TAFA2: variants seen among roughly 807,000 people sequenced by gnomAD.
The protein encoded by TAFA2 is TAFA chemokine like family member 2, also known as chemokine-like protein TAFA-2.
Under a neutral mutation model 18.8 loss-of-function variants are expected in TAFA2, and 7 were observed. The ratio of observed to expected loss-of-function variants is 0.37; its 90% CI spans 0.21 to 0.70. The LOEUF is 0.70. TAFA2 is among the 30% of genes least tolerant of loss of function. The probability of loss-of-function intolerance (pLI) is 0.53; values close to 1 mark genes in which losing one functional copy is unlikely to be tolerated. For missense variants in TAFA2, 122 were observed against 158.1 expected (o/e 0.77, Z 1.23); for synonymous variants, 60 against 54.2 (o/e 1.11, Z -0.47).
chr12:61,781,905 AT>A (rs1423774486), intron 2 of TAFA2, among the ~76,000 whole-genome samples: 1 of 151,728 alleles, frequency 6.6e-6, no homozygotes, highest in Non-Finnish European at 1.5e-5. Context: ...AAAAGTAAAA[AT>A]TGAAATGTAT....
chr12:61,733,666 G>C (rs909280194), intron 4 of TAFA2, among the ~76,000 whole-genome samples: 8 of 149,684 alleles, frequency 5.3e-5, no homozygotes, highest in Admixed American at 1.3e-4. Context: ...TGCTGTTTTG[G>C]TTACTGTAGC....
chr12:61,908,706 G>A (rs531531226), intron 1 of TAFA2, among the ~76,000 whole-genome samples: 81 of 152,120 alleles, frequency 5.3e-4, no homozygotes, highest in Non-Finnish European at 1.0e-3. Context: ...CCAAATTATG[G>A]TCCACTAAAT....
intron 1 of TAFA2, among the ~76,000 whole-genome samples, chr12:61,993,329 T>C (rs961397822): frequency 2.6e-5 from 4 of 152,210 alleles, no homozygotes; most frequent in African/African-American, 9.7e-5. Flanking sequence ...TCTTAAAGTT[T>C]ATAAAGAATG....
chr12:61,970,973 T>C (rs889252458), intron 1 of TAFA2, among the ~76,000 whole-genome samples: 2 of 151,706 alleles, frequency 1.3e-5, no homozygotes, highest in Non-Finnish European at 3.0e-5. Context: ...GCATAACGTC[T>C]TATGATTCAT....
chr12:62,171,582 C>T (rs549235963), intron 1 of TAFA2, among the ~76,000 whole-genome samples: 15 of 152,206 alleles, frequency 9.9e-5, no homozygotes, highest in Admixed American at 8.5e-4. Context: ...TAAAAGAGGC[C>T]GAAGGGAGCT....
At chr12:61,879,443 G>C (rs7308172) in intron 1 of TAFA2, 471,584 of 679,272 alleles carry the variant, frequency 0.69, 166,388 homozygotes, top group East Asian at 0.83. Flanking sequence ...TCCCGAGTGG[G>C]CAGCAGCAGC....
intron 1 of TAFA2, among the ~76,000 whole-genome samples, chr12:61,895,772 C>T (rs1220084222): frequency 6.6e-6 from 1 of 151,950 alleles, no homozygotes; most frequent in African/African-American, 2.4e-5. Context: ...ATAGTAGGTA[C>T]TCAATATATG....
intron 2 of TAFA2, among the ~76,000 whole-genome samples, chr12:61,855,771 G>C (rs535359444): frequency 6.6e-6 from 1 of 152,140 alleles, no homozygotes; most frequent in Non-Finnish European, 1.5e-5. Flanking sequence ...TCATTGAGGA[G>C]AGTCAACTTA....
At chr12:61,727,809 C>G (rs1360486575) in intron 4 of TAFA2, among the ~76,000 whole-genome samples, 1 of 151,808 alleles carries the variant, frequency 6.6e-6, no homozygotes, top group East Asian at 1.9e-4. Context: ...CTTAGATTGT[C>G]TATTCATGCT....
At chr12:62,148,404 A>G (rs1312039157) in intron 1 of TAFA2, among the ~76,000 whole-genome samples, 1 of 152,210 alleles carries the variant, frequency 6.6e-6, no homozygotes, top group Non-Finnish European at 1.5e-5. Context: ...CAACATGAAT[A>G]TAGCTGGAGA....
Position 61,869,370 on chromosome 12 carries a change from G to A in TAFA2, c.-1-1944C>T, listed in dbSNP as rs1223044450. ...ATTAAATGAAATAGTCTGTGTAAAAGGTTTAACACTATGCATAGCAAATAA... is the reference window on the plus strand; with the variant it reads ...ATTAAATGAAATAGTCTGTGTAAAAAGTTTAACACTATGCATAGCAAATAA... On this transcript the variant is annotated intron_variant, in intron 1 of 4. Transcript: ENST00000416284. Among the ~76,000 whole-genome samples the A allele has an allele frequency of 2.0e-5, 3 of 152,140 alleles. No individual in the cohort carries two copies. In the East Asian group the frequency reaches 5.8e-4, roughly 29 times the overall value.
At chr12:62,163,349 GGTTTTTGTTTTT>G (rs146075914) in intron 1 of TAFA2, among the ~76,000 whole-genome samples, 2,748 of 151,966 alleles carry the variant, frequency 0.018, 87 homozygotes, top group African/African-American at 0.062. Flanking sequence ...TTAGGAGCTG[GGTTTTTGTTTTT>G]GTTTTTGTTT....
chr12:62,086,430 G>A (rs1868456258), intron 1 of TAFA2, among the ~76,000 whole-genome samples: 1 of 152,018 alleles, frequency 6.6e-6, no homozygotes, highest in African/African-American at 2.4e-5. Context: ...CATATATAAA[G>A]AACTCCTACA....
chr12:62,215,189 G>A (rs2062729261), intron 1 of TAFA2, among the ~76,000 whole-genome samples: 1 of 152,178 alleles, frequency 6.6e-6, no homozygotes, highest in African/African-American at 2.4e-5. Context: ...AAGAACAAAA[G>A]TCAATGTCTA....
At chr12:62,106,493 G>C (rs952672575) in intron 1 of TAFA2, among the ~76,000 whole-genome samples, 7 of 152,262 alleles carry the variant, frequency 4.6e-5, no homozygotes, top group Middle Eastern at 3.4e-3. Context: ...AAAATAAAGG[G>C]AGAGGCAGAA....
intron 1 of TAFA2, among the ~76,000 whole-genome samples, chr12:62,006,265 C>G (rs1007514280): frequency 3.3e-5 from 5 of 152,018 alleles, no homozygotes; most frequent in Admixed American, 3.3e-4. Flanking sequence ...TTAAACCTTC[C>G]TATTTCATCA....
intron 3 of TAFA2, 26 bp from the exon 4 acceptor site, chr12:61,753,772 C>G: frequency 6.3e-7 from 1 of 1,583,368 alleles, no homozygotes; most frequent in Non-Finnish European, 8.6e-7. Flanking sequence ...AAAATTGACT[C>G]AACATTTTTT....
chr12:61,733,300 C>G (rs1023299051), intron 4 of TAFA2, among the ~76,000 whole-genome samples: 200 of 151,720 alleles, frequency 1.3e-3, no homozygotes, highest in East Asian at 2.0e-3. Context: ...GTCAATTTTG[C>G]CTTTTGTTGC....
At chr12:62,059,649 C>T (rs1289115818) in intron 1 of TAFA2, among the ~76,000 whole-genome samples, 1 of 152,034 alleles carries the variant, frequency 6.6e-6, no homozygotes, top group Middle Eastern at 3.2e-3. Context: ...CATGTGGCCA[C>T]CTGAAGAAAA....
Sources: allele counts gnomAD v4.1 joint callset (sites outside exome capture counted in the v4.1 genomes callset), GRCh38; gene constraint gnomAD v4.1.1; transcripts MANE v1.5; gene names NCBI Gene and HGNC (gene_info 2026-07-23, HGNC 2026-07-21).